DNAH7: variants seen among roughly 807,000 people sequenced by gnomAD.
DNAH7 encodes dynein axonemal heavy chain 7.
In DNAH7, 397 loss-of-function variants were observed where a neutral mutation model predicts 444.6. The observed-to-expected ratio is 0.89, with a 90% CI of 0.82 to 0.97. DNAH7 has a LOEUF of 0.97. Among genes scored for constraint, DNAH7 ranks in the 50% least tolerant of loss-of-function variants. DNAH7 has a pLI of 0.00. For missense variants in DNAH7, 4,902 were observed against 4,800.8 expected (o/e 1.02, Z -0.62); for synonymous variants, 1,636 against 1,624.4 (o/e 1.01, Z -0.17).
chr2:195,847,933 C>T (rs905360169), intron 46 of DNAH7, among the ~76,000 whole-genome samples: 14 of 152,080 alleles, frequency 9.2e-5, no homozygotes, highest in Admixed American at 1.3e-4. Flanking sequence ...GGAACCCGGG[C>T]GGTACTACAA....
intron 22 of DNAH7, 23 bp from the exon 23 acceptor site, chr2:195,923,830 A>G (rs1688173067): frequency 3.7e-6 from 6 of 1,601,080 alleles, no homozygotes; most frequent in Non-Finnish European, 5.1e-6. Flanking sequence ...AAAATAAGAT[A>G]TGATTTCCCA....
rs746644554 is a variant in DNAH7 at position 195,794,353 on chromosome 2, G to A, written c.10701C>T (p.Gly3567=). ...MDPISDPEFF[G]SCKKPEEFKK... Reference sequence around the variant, plus strand: ...CATTACTAACAGGCTTTTTGCAGCTGCCAAAGAACTCCGGATCAGAGATCG... The same window carrying A: ...CATTACTAACAGGCTTTTTGCAGCTACCAAAGAACTCCGGATCAGAGATCG... Residue 3567 remains glycine, a synonymous_variant, in exon 57 of 65, where the codon GGC becomes GGT. Coordinates refer to ENST00000312428, the MANE Select transcript of DNAH7 (RefSeq NM_018897.3). 3.0e-5 allele frequency: 49 copies of A among 1,613,978 alleles called. No homozygotes were observed. Among genetic ancestry groups the A allele is most frequent in the Non-Finnish European group, 3.9e-5 (46 of 1,180,012 alleles).
chr2:195,827,986 G>A (rs1204281879), intron 48 of DNAH7, among the ~76,000 whole-genome samples: 2 of 152,144 alleles, frequency 1.3e-5, no homozygotes, highest in African/African-American at 4.8e-5. Flanking sequence ...ATTGGTACTT[G>A]ATATAACTAC....
intron 17 of DNAH7, among the ~76,000 whole-genome samples, chr2:195,968,268 AC>A (rs1691615382): frequency 6.6e-6 from 1 of 152,058 alleles, no homozygotes; most frequent in Non-Finnish European, 1.5e-5. Flanking sequence ...CCCATAGCAT[AC>A]CACCTGGATA....
chr2:195,878,821 C>T (rs1039998936), intron 36 of DNAH7, among the ~76,000 whole-genome samples: 1 of 152,034 alleles, frequency 6.6e-6, no homozygotes, highest in Non-Finnish European at 1.5e-5. Context: ...ACTGAGGTTT[C>T]AAAACATCTC....
intron 46 of DNAH7, among the ~76,000 whole-genome samples, chr2:195,846,447 T>C (rs528523229): frequency 6.6e-6 from 1 of 152,330 alleles, no homozygotes; most frequent in East Asian, 1.9e-4. Flanking sequence ...CAGAGCAGTG[T>C]AGTGATTTCT....
At chr2:196,045,220 A>G (rs1022682156) in intron 5 of DNAH7, among the ~76,000 whole-genome samples, 3 of 147,556 alleles carry the variant, frequency 2.0e-5, no homozygotes, top group African/African-American at 7.6e-5. Flanking sequence ...GGAGGAGGAG[A>G]AGGAGAAGAA....
chr2:195,806,358 A>G (rs1264598036), intron 54 of DNAH7, among the ~76,000 whole-genome samples: 2 of 152,228 alleles, frequency 1.3e-5, no homozygotes, highest in East Asian at 3.8e-4. Flanking sequence ...ATATAAGGAT[A>G]GCACTTGAGA....
In DNAH7 at chr2:195,858,716, A is replaced by G. The variant is rs370012351; in HGVS notation, c.7825T>C (p.Leu2609=). Residue 2609 remains leucine, a synonymous_variant, in exon 43 of 65, where the codon TTG becomes CTG. Coordinates refer to ENST00000312428, the MANE Select transcript of DNAH7 (RefSeq NM_018897.3). The stretch of plus-strand genomic sequence containing the variant: ...TTTAATTGAGGATGTAGTGCCTCCA[A>G]CTCCATCTGCATTGTGGCTACTTGA... The part of the protein sequence containing the change: ...SSQVATMQME[L]EALHPQLKVA... 3 of 1,613,946 alleles carry G rather than the reference A, an allele frequency of 1.9e-6. No individual in the cohort carries two copies. In the Admixed American group the frequency reaches 5.0e-5, roughly 27 times the overall value.
At chr2:196,019,084 T>C (rs745708362) in intron 9 of DNAH7, 86 bp downstream of exon 9, 9 of 1,270,776 alleles carry the variant, frequency 7.1e-6, no homozygotes, top group Non-Finnish European at 9.2e-6. Context: ...TACTTTGCAG[T>C]TAAAATAGTA....
At chr2:195,800,155 T>C (rs12613279) in intron 54 of DNAH7, among the ~76,000 whole-genome samples, 15,390 of 152,136 alleles carry the variant, frequency 0.1, 1,022 homozygotes, top group Non-Finnish European at 0.13. Context: ...CACCAAGCCA[T>C]TTATAAGGGA....
At chr2:195,853,124 T>A (rs1699485733) in intron 46 of DNAH7, among the ~76,000 whole-genome samples, 1 of 152,180 alleles carries the variant, frequency 6.6e-6, no homozygotes, top group Admixed American at 6.6e-5. Flanking sequence ...GATATTTTTG[T>A]TTTTAAAACA....
At chr2:195,966,739 T>C (rs1691503231) in intron 17 of DNAH7, among the ~76,000 whole-genome samples, 1 of 152,204 alleles carries the variant, frequency 6.6e-6, no homozygotes, top group African/African-American at 2.4e-5. Flanking sequence ...TGAAGTCTAT[T>C]TTGCCTGATA....
intron 16 of DNAH7, among the ~76,000 whole-genome samples, chr2:195,971,183 G>C (rs1001606307): frequency 2.0e-5 from 3 of 152,130 alleles, no homozygotes; most frequent in Non-Finnish European, 4.4e-5. Flanking sequence ...TAATGTAATA[G>C]AAAGAAAGCA....
chr2:195,897,757 A>G lies in DNAH7; in HGVS notation c.4557T>C (p.Tyr1519=). Reference sequence around the variant, plus strand: ...GCAAAATTTCTTCATTTTCATTTGGATATTTCAGCTAAAAAAAAAAAAAAA... The same window carrying G: ...GCAAAATTTCTTCATTTTCATTTGGGTATTTCAGCTAAAAAAAAAAAAAAA... ...LTAAGNLKLK[Y]PNENEEILLL... Residue 1519 remains tyrosine (Y), a synonymous_variant, in exon 29 of 65, where the codon TAT becomes TAC. Coordinates refer to ENST00000312428, the MANE Select transcript of DNAH7 (RefSeq NM_018897.3). 1 of 1,466,872 alleles carries G rather than the reference A, an allele frequency of 6.8e-7. No individual in the cohort carries two copies. The highest frequency in any genetic ancestry group is 9.3e-7 in the Non-Finnish European group (1 of 1,071,092). 90.9% of individuals were successfully genotyped at this position (1,466,872 alleles called of 1,614,324 possible).
At chr2:195,824,176 GTTC>G (rs1697600545) in intron 49 of DNAH7, 76 bp downstream of exon 49, 2 of 1,311,132 alleles carry the variant, frequency 1.5e-6, no homozygotes, top group South Asian at 1.9e-5. Context: ...AGGAAGACTT[GTTC>G]TTCTTATGAC....
intron 15 of DNAH7, among the ~76,000 whole-genome samples, chr2:195,980,805 T>C (rs929244651): frequency 6.9e-6 from 1 of 144,890 alleles, no homozygotes; most frequent in Non-Finnish European, 1.5e-5. Flanking sequence ...AATTCAACAT[T>C]GCTTCATGAT....
intron 63 of DNAH7, among the ~76,000 whole-genome samples, chr2:195,741,673 T>C (rs1693041413): frequency 6.6e-6 from 1 of 152,214 alleles, no homozygotes; most frequent in East Asian, 1.9e-4. Flanking sequence ...AAAACATTTG[T>C]AAAATAGTAA....
chr2:195,884,771 A>G lies in DNAH7; in HGVS notation c.5577T>C (p.Ala1859=), dbSNP rs569510046. The change falls in exon 35 of 65, where the codon GCT becomes GCC. Residue 1859 remains alanine (A), a synonymous_variant. Coordinates refer to ENST00000312428, the MANE Select transcript of DNAH7 (RefSeq NM_018897.3). The part of the protein sequence containing the change: ...FLFSLIWSVG[A]SCTDDDRLKF... ...TCAATCGATCATCATCTGTACAAGA[A>G]GCACCAACGGACCAGATCAATGAAA... 9.3e-6 allele frequency: 15 copies of G among 1,613,922 alleles called. No individual in the cohort carries two copies. The Admixed American group carries it at 1.5e-4, about 16-fold the overall frequency.
Sources: gnomAD v4.1 joint callset for allele counts (sites outside exome capture counted in the v4.1 genomes callset) on GRCh38, gnomAD v4.1.1 for gene constraint, MANE v1.5 for transcripts, NCBI Gene and HGNC (gene_info 2026-07-23, HGNC 2026-07-21) for gene names.